Variants in STAU1 observed in about 807,000 individuals in gnomAD.
STAU1 encodes the protein double-stranded RNA-binding protein Staufen homolog 1.
A neutral mutation model predicts 62.9 loss-of-function variants in STAU1; 13 were observed. That is an observed-to-expected ratio of 0.21 (90% confidence interval 0.13 to 0.33). STAU1 has a LOEUF of 0.33. Ranked by LOEUF, STAU1 falls within the 10% of genes least tolerant of loss-of-function variation. STAU1 has a pLI of 1.00. For missense variants in STAU1, 571 were observed against 712.1 expected (o/e 0.80, Z 2.25); for synonymous variants, 269 against 265.1 (o/e 1.01, Z -0.14).
At chr20:49,157,725 G>A (rs1335007524) in intron 3 of STAU1, among the ~76,000 whole-genome samples, 2 of 151,898 alleles carry the variant, frequency 1.3e-5, no homozygotes, top group East Asian at 3.9e-4. Context: ...TGAACTGCCC[G>A]CCTTGGACTC....
chr20:49,134,467 G>C, intron 6 of STAU1: 2 of 694,656 alleles, frequency 2.9e-6, no homozygotes, highest in Non-Finnish European at 2.4e-6. Flanking sequence ...GTTGAAACCC[G>C]GGCGCCGCCA....
chr20:49,142,062 AG>A (rs1600706141), intron 5 of STAU1, among the ~76,000 whole-genome samples: 1 of 134,518 alleles, frequency 7.4e-6, no homozygotes, highest in East Asian at 2.1e-4. Flanking sequence ...CATCTCAACA[AG>A]AACAACAACA....
chr20:49,200,236 G>A, the STAU1 span, among the ~76,000 whole-genome samples: 4 of 152,152 alleles, frequency 2.6e-5, no homozygotes, highest in African/African-American at 9.7e-5. Flanking sequence ...CAATCAAAAT[G>A]TCCTTCAACA....
At chr20:49,217,551 TAACA>T in the STAU1 span, among the ~76,000 whole-genome samples, 461 of 152,122 alleles carry the variant, frequency 3.0e-3, 8 homozygotes, top group Admixed American at 0.022. Flanking sequence ...ATATCCTTCC[TAACA>T]GTGTCTTTAT....
chr20:49,203,928 G>T, the STAU1 span, among the ~76,000 whole-genome samples: 7 of 152,080 alleles, frequency 4.6e-5, no homozygotes, highest in Non-Finnish European at 8.8e-5. Context: ...CTTGTGATCC[G>T]CCGCCTTGGC....
chr20:49,181,150 G>A (rs1343956696), intron 1 of STAU1, among the ~76,000 whole-genome samples: 4 of 152,174 alleles, frequency 2.6e-5, no homozygotes, highest in Non-Finnish European at 5.9e-5. Flanking sequence ...AACATAAAGG[G>A]TCTAAGAAAC....
chr20:49,194,985 A>T, the STAU1 span, among the ~76,000 whole-genome samples: 4 of 152,114 alleles, frequency 2.6e-5, no homozygotes, highest in Non-Finnish European at 5.9e-5. Context: ...AAAGTACCAG[A>T]AGAATTCCTG....
At position 49,114,444 on chromosome 20, in the gene STAU1, A is replaced by G. The variant is rs1364564928; in HGVS notation, c.*434T>C. 1.2e-5 allele frequency: 2 copies of G among 167,646 alleles called. No homozygotes were observed. Among genetic ancestry groups the G allele is most frequent in the African/African-American group, 4.8e-5 (2 of 42,072 alleles). The allele number at this position is 167,646 out of a possible 1,614,324, so 10.4% of individuals were successfully genotyped here. A position where few individuals can be genotyped will look rare whatever the true frequency, so the allele number is the denominator to read the frequency against. On this transcript the variant is annotated 3_prime_UTR_variant, in exon 14 of 14. Transcript: ENST00000371856. ...GGTGCTTTTAGCTCTGGGGCCGGTC[A>G]AAGGCCTCTCTCTGGCATGGCTGTC...
At chr20:49,208,280 G>A in the STAU1 span, among the ~76,000 whole-genome samples, 2 of 151,952 alleles carry the variant, frequency 1.3e-5, no homozygotes, top group Non-Finnish European at 2.9e-5. Context: ...GGATGGTCTC[G>A]ATCTCTTGAC....
At position 49,120,221 on chromosome 20, in the gene STAU1, G is replaced by C. The variant is rs189809469; in HGVS notation, c.967-93C>G. The C allele has an allele frequency of 7.6e-6, 11 of 1,441,028 alleles. No homozygotes were observed. In the African/African-American group the frequency reaches 1.5e-4, roughly 20 times the overall value. The allele number at this position is 1,441,028 out of a possible 1,614,324, so 89.3% of individuals were successfully genotyped here. A position where few individuals can be genotyped will look rare whatever the true frequency, so the allele number is the denominator to read the frequency against. On this transcript the variant is annotated intron_variant, in intron 8 of 13. Transcript: ENST00000371856. ...TGTGTCAGCAAAATAACCAACTATGGTCAGAAGCAAGATAACAGCAGTGCC... is the reference window on the plus strand; with the variant it reads ...TGTGTCAGCAAAATAACCAACTATGCTCAGAAGCAAGATAACAGCAGTGCC...
intron 6 of STAU1, among the ~76,000 whole-genome samples, chr20:49,124,912 G>T (rs2092555692): frequency 6.6e-6 from 1 of 151,868 alleles, no homozygotes; most frequent in South Asian, 2.1e-4. Context: ...GCCCAGCAAA[G>T]TCCAGAAATA....
chr20:49,150,081 CTT>C (rs1210030276), intron 5 of STAU1, among the ~76,000 whole-genome samples: 1 of 152,214 alleles, frequency 6.6e-6, no homozygotes, highest in Non-Finnish European at 1.5e-5. Context: ...TTCTTCTAGA[CTT>C]TGTGACTCTA....
chr20:49,162,969 G>C (rs933430430), intron 3 of STAU1, among the ~76,000 whole-genome samples: 2 of 151,884 alleles, frequency 1.3e-5, no homozygotes, highest in Non-Finnish European at 2.9e-5. Flanking sequence ...CAAGGTAGGC[G>C]GATCACGAGG....
intron 1 of STAU1, among the ~76,000 whole-genome samples, chr20:49,177,181 A>T (rs150909134): frequency 0.011 from 1,574 of 149,868 alleles, 26 homozygotes; most frequent in Middle Eastern, 0.024. Context: ...AAGTGCTGCG[A>T]TTACAGGCGT....
chr20:49,141,506 AC>A (rs1215795306), intron 5 of STAU1, among the ~76,000 whole-genome samples: 1 of 152,218 alleles, frequency 6.6e-6, no homozygotes, highest in African/African-American at 2.4e-5. Context: ...CAAAAAGATC[AC>A]TTGATTGATT....
At chr20:49,156,865 T>A (rs899588821) in intron 3 of STAU1, among the ~76,000 whole-genome samples, 1 of 132,508 alleles carries the variant, frequency 7.5e-6, no homozygotes, top group African/African-American at 3.1e-5. Flanking sequence ...AGATTGTGTG[T>A]GTATGCACTG....
upstream of STAU1, among the ~76,000 whole-genome samples, chr20:49,191,661 A>G (rs2093831477): frequency 6.6e-6 from 1 of 152,178 alleles, no homozygotes; most frequent in Non-Finnish European, 1.5e-5. Flanking sequence ...GTTGAGAACT[A>G]CTTGCTGGCC....
At chr20:49,166,329 G>A (rs1381720416) in intron 2 of STAU1, 44 bp from the exon 3 acceptor site, 1 of 786,188 alleles carries the variant, frequency 1.3e-6, no homozygotes, top group Non-Finnish European at 2.0e-6. Context: ...AAATTATAGA[G>A]GAGATATGTA....
chr20:49,175,576 T>C (rs1341003042), intron 1 of STAU1, among the ~76,000 whole-genome samples: 1 of 151,034 alleles, frequency 6.6e-6, no homozygotes, highest in Non-Finnish European at 1.5e-5. Context: ...GCCTCCCGGG[T>C]TCAAGCAATT....
Sources: allele counts gnomAD v4.1 joint callset (sites outside exome capture counted in the v4.1 genomes callset), GRCh38; gene constraint gnomAD v4.1.1; transcripts MANE v1.5; gene names NCBI Gene and HGNC (gene_info 2026-07-23, HGNC 2026-07-21).